ZNF300: variants seen among roughly 807,000 people sequenced by gnomAD.
The protein encoded by ZNF300 is zinc finger protein 300.
Under a neutral mutation model 13.9 loss-of-function variants are expected in ZNF300, and 6 were observed. The ratio of observed to expected loss-of-function variants is 0.43; its 90% CI spans 0.24 to 0.85. ZNF300 has a LOEUF of 0.85. ZNF300 is among the 40% of genes least tolerant of loss of function. The pLI, the probability that ZNF300 is intolerant of heterozygous loss-of-function variation, is 0.25. For synonymous variants in ZNF300, 237 were observed against 242.2 expected (o/e 0.98, Z 0.20); for missense variants, 662 against 714.2 (o/e 0.93, Z 0.83).
chr5:150,898,763 AC>A (rs1256179402), intron 3 of ZNF300, among the ~76,000 whole-genome samples: 2 of 152,058 alleles, frequency 1.3e-5, no homozygotes, highest in African/African-American at 4.8e-5. Flanking sequence ...GTAATTTCAT[AC>A]ATTTTAAAGG....
rs750357115 is a variant in ZNF300 at position 150,896,719 on chromosome 5, A to C, written c.520T>G (p.Cys174Gly). The C allele has an allele frequency of 6.2e-7, 1 of 1,613,494 alleles. No homozygotes were observed. Among genetic ancestry groups the C allele is most frequent in the Non-Finnish European group, 8.5e-7 (1 of 1,179,728 alleles). Residue 174 changes from cysteine (C) to glycine (G), a missense_variant, in exon 6 of 6, where the codon TGC (cysteine) becomes GGC (glycine). Cys to Gly is a radical substitution (Grantham distance 159, BLOSUM62 -3). Transcript: ENST00000274599. ...YNPLGKIFQECIETDISIQRF... is the reference protein window; with the variant it reads ...YNPLGKIFQEGIETDISIQRF... The stretch of plus-strand genomic sequence containing the variant: ...TGTATTGATATATCTGTTTCTATGC[A>C]CTCTTGAAATATTTTCCCCAGTGGA...
rs576382422 is a variant in ZNF300, at chr5:150,900,352, C to A, written c.16-1798G>T. 1.1e-4 allele frequency among the ~76,000 whole-genome samples: 16 copies of A among 152,178 alleles called. 1 individual carries two copies. The South Asian group carries it at 1.2e-3, about 12-fold the overall frequency. On this transcript the variant is annotated intron_variant, in intron 3 of 5. Coordinates refer to ENST00000274599, the MANE Select transcript of ZNF300 (RefSeq NM_052860.4). ...TCCTAAAATCACTCTGCCCTTTCTA[C>A]TTTTACAAATGCTGCTTCCTGTCCT... is the stretch of plus-strand genomic sequence containing the variant.
At chr5:150,901,836 A>C (rs918851598) in intron 3 of ZNF300, among the ~76,000 whole-genome samples, 1 of 152,134 alleles carries the variant, frequency 6.6e-6, no homozygotes, top group Non-Finnish European at 1.5e-5. Context: ...GTAAAGGAGA[A>C]TTCTATGTAC....
Position 150,896,209 on chromosome 5 carries a change from G to C in ZNF300, c.1030C>G (p.Gln344Glu), listed in dbSNP as rs1754769491. The C allele has an allele frequency of 6.2e-7, 1 of 1,613,526 alleles. No homozygotes were observed. Among genetic ancestry groups the C allele is most frequent in the Admixed American group, 1.7e-5 (1 of 59,860 alleles). Residue 344 changes from glutamine (Q) to glutamate (E), a missense_variant, in exon 6 of 6, where the codon CAG becomes GAG. Coordinates refer to ENST00000274599, the MANE Select transcript of ZNF300 (RefSeq NM_052860.4). ...GGTTTTTCCCCAGTGTGAACTCTCTGATGTATAATAAGGGACGATTTCTGA... is the reference window on the plus strand; with the variant it reads ...GGTTTTTCCCCAGTGTGAACTCTCTCATGTATAATAAGGGACGATTTCTGA... ...FSQKSSLIIH[Q>E]RVHTGEKPYE...
Position 150,896,217 on chromosome 5 carries a change from A to G in ZNF300, c.1022T>C (p.Ile341Thr). ...GKAFSQKSSL[I>T]IHQRVHTGEK... ...CCCAGTGTGAACTCTCTGATGTATA[A>G]TAAGGGACGATTTCTGAGAGAAGGC... The change falls in exon 6 of 6, where the codon ATT becomes ACT. Residue 341 changes from isoleucine (I) to threonine (T), a missense_variant. Transcript: ENST00000274599. 1.2e-6 allele frequency: 2 copies of G among 1,613,658 alleles called. No individual in the cohort carries two copies. The highest frequency in any genetic ancestry group is 1.7e-6 in the Non-Finnish European group (2 of 1,179,780).
intron 1 of ZNF300, 46 bp downstream of exon 1, chr5:150,904,658 A>AC (rs1182485574): frequency 2.0e-5 from 3 of 152,540 alleles, no homozygotes; most frequent in Non-Finnish European, 4.4e-5. Context: ...CCTACCACTG[A>AC]CCCTCACGGG....
Position 150,898,441 on chromosome 5 carries a change from G to A in ZNF300, c.129C>T (p.His43=). 1 of 1,613,408 alleles carries A rather than the reference G, an allele frequency of 6.2e-7. No individual in the cohort carries two copies. The highest frequency in any genetic ancestry group is 8.5e-7 in the Non-Finnish European group (1 of 1,179,584). ...YRDVMLENYS[H]LVSMGYPVSK... The stretch of plus-strand genomic sequence containing the variant: ...AGCCATCCTTACCCATTGAGACCAG[G>A]TGGCTGTAGTTCTCCAGCATCACAT... The change falls in exon 4 of 6, where the codon CAC becomes CAT. Residue 43 remains histidine (H), a synonymous_variant. Transcript: ENST00000274599.
Position 150,895,642 on chromosome 5 carries a change from T to A in ZNF300, c.1597A>T (p.Lys533Ter). ...CGCTGGTGTCCCGGAAGGTGGGACT[T>A]CTGAGAGAAGGCTTTCCCACATTCA... The part of the protein sequence containing the change: ...CTECGKAFSQ[K>*]SHLPGHQRIH... The change falls in exon 6 of 6, where the codon AAG becomes TAG. Residue 533 changes from lysine to a stop codon, truncating the protein, a stop_gained. Coordinates refer to ENST00000274599, the MANE Select transcript of ZNF300 (RefSeq NM_052860.4). LOFTEE classifies it low-confidence loss of function (END_TRUNC). 1 of 1,613,258 alleles carries A rather than the reference T, an allele frequency of 6.2e-7. No individual in the cohort carries two copies. The highest frequency in any genetic ancestry group is 1.1e-5 in the South Asian group (1 of 91,036).
chr5:150,898,256 G>A, intron 4 of ZNF300, 72 bp from the exon 5 acceptor site: 1 of 1,599,602 alleles, frequency 6.3e-7, no homozygotes, highest in Admixed American at 1.7e-5. Context: ...AGTTTCAGAT[G>A]GTCTACAATA....
Position 150,896,180 on chromosome 5 carries a change from A to G in ZNF300, c.1059T>C (p.Tyr353=), listed in dbSNP as rs1446704090. Residue 353 remains tyrosine, a synonymous_variant, in exon 6 of 6, where the codon TAT becomes TAC. Transcript: ENST00000274599. ...AGGCTTTCCCGCATTCACTACATTC[A>G]TAGGGTTTTTCCCCAGTGTGAACTC... The part of the protein sequence containing the change: ...HQRVHTGEKP[Y]ECSECGKAFS... 3 of 1,613,520 alleles carry G rather than the reference A, an allele frequency of 1.9e-6. No homozygotes were observed. Among genetic ancestry groups the G allele is most frequent in the South Asian group, 1.1e-5 (1 of 91,056 alleles).
Position 150,896,826 on chromosome 5 carries a change from A to G in ZNF300, c.413T>C (p.Leu138Pro), listed in dbSNP as rs759919093. 6.2e-7 allele frequency: 1 copy of G among 1,613,740 alleles called. No homozygotes were observed. Among genetic ancestry groups the G allele is most frequent in the South Asian group, 1.1e-5 (1 of 91,076 alleles). ...CCTGAAGAGTTTGTCTTGATTCTCT[A>G]GAAATCTCTGCAGCTGACCATCACC... ...CQGDGQLQRF[L>P]ENQDKLFRQV... is the part of the protein sequence containing the mutation. Residue 138 changes from leucine (L) to proline (P), a missense_variant, in exon 6 of 6, where the codon CTA (leucine) becomes CCA (proline). By Grantham distance (98) the Leu-to-Pro change is moderately conservative. Coordinates refer to ENST00000274599, the MANE Select transcript of ZNF300 (RefSeq NM_052860.4).
At chr5:150,898,011 A>G in intron 5 of ZNF300, 51 bp downstream of exon 5, 1 of 1,577,010 alleles carries the variant, frequency 6.3e-7, no homozygotes, top group Non-Finnish European at 8.6e-7. Context: ...ATAGAAACAT[A>G]AACCTCAGGC....
Position 150,894,746 on chromosome 5 carries a change from G to A in ZNF300, c.*678C>T, listed in dbSNP as rs1336924854. The A allele has an allele frequency of 6.6e-6, 1 of 152,298 alleles. No homozygotes were observed. Among genetic ancestry groups the A allele is most frequent in the East Asian group, 1.9e-4 (1 of 5,320 alleles). The allele number at this position is 152,298 out of a possible 1,614,324, so 9.4% of individuals were successfully genotyped here. A position where few individuals can be genotyped will look rare whatever the true frequency, so the allele number is the denominator to read the frequency against. ...AAAGTCACACAATCTGTGAGGCACTGAGCCAGGATTAAACCCAAGGCCATC... is the reference window on the plus strand; with the variant it reads ...AAAGTCACACAATCTGTGAGGCACTAAGCCAGGATTAAACCCAAGGCCATC... On this transcript the variant is annotated 3_prime_UTR_variant, in exon 6 of 6. Coordinates refer to ENST00000274599, the MANE Select transcript of ZNF300 (RefSeq NM_052860.4).
At chr5:150,898,641 T>C (rs1031081180) in intron 3 of ZNF300, 87 bp from the exon 4 acceptor site, 19 of 1,398,056 alleles carry the variant, frequency 1.4e-5, no homozygotes, top group Middle Eastern at 1.9e-4. Context: ...CACCTAGTTT[T>C]GTATAATAGT....
Position 150,896,019 on chromosome 5 carries a change from T to C in ZNF300, c.1220A>G (p.Lys407Arg). Residue 407 changes from lysine to arginine, a missense_variant, in exon 6 of 6, where the codon AAG (lysine) becomes AGG (arginine). Transcript: ENST00000274599. ...IIHHRAHTGEKPYECTECGKA... is the reference protein window; with the variant it reads ...IIHHRAHTGERPYECTECGKA... ...CCCACATTCGGTACACTCATACGGCTTCTCTCCAGTATGAGCTCTGTGGTG... is the reference window on the plus strand; with the variant it reads ...CCCACATTCGGTACACTCATACGGCCTCTCTCCAGTATGAGCTCTGTGGTG... The C allele has an allele frequency of 1.2e-6, 2 of 1,613,510 alleles. No individual in the cohort carries two copies. The highest frequency in any genetic ancestry group is 1.7e-6 in the Non-Finnish European group (2 of 1,179,740).
chr5:150,896,460 T>A lies in ZNF300; in HGVS notation c.779A>T (p.Gln260Leu), dbSNP rs1283862732. The A allele has an allele frequency of 2.5e-6, 4 of 1,613,604 alleles. No individual in the cohort carries two copies. Among genetic ancestry groups the A allele is most frequent in the Non-Finnish European group, 2.5e-6 (3 of 1,179,800 alleles). ...FRNTQSLIQY[Q>L]NVETKEKSCV... Reference sequence around the variant, plus strand: ...GCTTTTCTCTTTAGTTTCCACATTCTGATATTGAATAAGGGATTGTGTATT... The same window carrying A: ...GCTTTTCTCTTTAGTTTCCACATTCAGATATTGAATAAGGGATTGTGTATT... Residue 260 changes from glutamine (Q) to leucine (L), a missense_variant, in exon 6 of 6, where the codon CAG (glutamine) becomes CTG (leucine). Gln to Leu is a moderately radical substitution (Grantham distance 113). Transcript: ENST00000274599.
At chr5:150,899,224 G>A (rs904387380) in intron 3 of ZNF300, among the ~76,000 whole-genome samples, 1 of 152,022 alleles carries the variant, frequency 6.6e-6, no homozygotes, top group Non-Finnish European at 1.5e-5. Context: ...AAGCCACCCA[G>A]TTTGTGGTAC....
intron 3 of ZNF300, among the ~76,000 whole-genome samples, chr5:150,902,781 A>G (rs1755032418): frequency 6.6e-6 from 1 of 152,236 alleles, no homozygotes; most frequent in African/African-American, 2.4e-5. Flanking sequence ...CATTTAGCAA[A>G]GGAGTGTTGG....
intron 1 of ZNF300, among the ~76,000 whole-genome samples, chr5:150,904,329 C>T (rs1755077087): frequency 6.6e-6 from 1 of 152,050 alleles, no homozygotes; most frequent in African/African-American, 2.4e-5. Context: ...ACACCGTGGC[C>T]CCATTACTGT....
Sources: allele counts gnomAD v4.1 joint callset (sites outside exome capture counted in the v4.1 genomes callset), GRCh38; gene constraint gnomAD v4.1.1; transcripts MANE v1.5; gene names NCBI Gene and HGNC (gene_info 2026-07-23, HGNC 2026-07-21).